STOML3: variants seen among roughly 807,000 people sequenced by gnomAD.
STOML3 encodes stomatin like 3.
In STOML3, 31 loss-of-function variants were observed where a neutral mutation model predicts 29.5. The observed-to-expected ratio is 1.05, with a 90% confidence interval of 0.79 to 1.42. STOML3 has a LOEUF of 1.42. Among genes scored for constraint, STOML3 ranks in the 40% most tolerant of loss-of-function variants. The pLI is 0.00. For synonymous variants in STOML3, 122 were observed against 139.8 expected (o/e 0.87, Z 0.90); for missense variants, 380 against 363.0 (o/e 1.05, Z -0.38).
chr13:38,973,102 A>C (rs74915640), intron 3 of STOML3, among the ~76,000 whole-genome samples: 28,566 of 98,442 alleles, frequency 0.29, 2,190 homozygotes, highest in Middle Eastern at 0.42. Flanking sequence ...CTACTAAAAA[A>C]AAAAAAAAAA....
intron 5 of STOML3, 91 bp downstream of exon 5, chr13:38,970,094 G>A (rs917164739): frequency 2.5e-6 from 3 of 1,183,280 alleles, no homozygotes; most frequent in South Asian, 2.9e-5. Context: ...GCATGTGGTG[G>A]GGGATGCTTT....
intron 1 of STOML3, among the ~76,000 whole-genome samples, chr13:38,983,721 A>G (rs73456154): frequency 0.031 from 4,780 of 152,284 alleles, 174 homozygotes; most frequent in African/African-American, 0.093. Context: ...ACAAAATTCC[A>G]TAATCCTAAG....
intron 1 of STOML3, among the ~76,000 whole-genome samples, chr13:38,987,354 T>G (rs1422772773): frequency 6.6e-6 from 1 of 151,796 alleles, no homozygotes. Context: ...GAAACCTGAT[T>G]TCTACAAAAA....
intron 1 of STOML3, among the ~76,000 whole-genome samples, chr13:38,988,264 ATATAT>A (rs1184929323): frequency 1.2e-5 from 1 of 80,700 alleles, no homozygotes; most frequent in Non-Finnish European, 2.0e-5. Context: ...ATTTTATATC[ATATAT>A]TATATATAAA....
intron 1 of STOML3, among the ~76,000 whole-genome samples, chr13:38,977,804 G>C (rs1881138201): frequency 7.7e-6 from 1 of 129,152 alleles, no homozygotes. Context: ...CTGTCGCCCA[G>C]GCTGGAGTAC....
chr13:38,968,573 A>C, intron 5 of STOML3, 39 bp from the exon 6 acceptor site: 1 of 1,609,746 alleles, frequency 6.2e-7, no homozygotes, highest in Non-Finnish European at 8.5e-7. Flanking sequence ...TAAGAAAGAC[A>C]GGTGATATGA....
At chr13:38,969,195 G>A (rs1180250015) in intron 5 of STOML3, among the ~76,000 whole-genome samples, 1 of 152,208 alleles carries the variant, frequency 6.6e-6, no homozygotes, top group African/African-American at 2.4e-5. Context: ...GCAGCCTAAA[G>A]TCAAAGATAC....
At chr13:38,972,305 C>CT (rs1289183707) in intron 4 of STOML3, among the ~76,000 whole-genome samples, 1 of 152,158 alleles carries the variant, frequency 6.6e-6, no homozygotes, top group African/African-American at 2.4e-5. Context: ...CAATTCAGCC[C>CT]TTGCTCTTGG....
At chr13:38,977,750 ATTTTTTTTTTTTTT>A (rs397851686) in intron 1 of STOML3, among the ~76,000 whole-genome samples, 2 of 84,186 alleles carry the variant, frequency 2.4e-5, no homozygotes, top group African/African-American at 4.0e-5. Flanking sequence ...AAGTCTCCGG[ATTTTTTTTTTTTTT>A]TTTTTTTTTT....
intron 3 of STOML3, among the ~76,000 whole-genome samples, chr13:38,975,257 G>T (rs1269026627): frequency 6.6e-6 from 1 of 151,190 alleles, no homozygotes; most frequent in African/African-American, 2.4e-5. Flanking sequence ...GAAGGCAGAG[G>T]TTGCAGTGAG....
intron 1 of STOML3, chr13:38,980,073 TCATCAAGCCCTTG>T: frequency 6.4e-7 from 1 of 1,551,692 alleles, no homozygotes; most frequent in Non-Finnish European, 8.7e-7. Flanking sequence ...CCTCTGGAGT[TCATCAAGCCCTTG>T]CATCATTACA....
rs558500313 is a variant in STOML3, at chr13:38,976,666, T to C, written c.156+28A>G. 7.8e-5 allele frequency: 126 copies of C among 1,613,898 alleles called. No homozygotes were observed. The East Asian group carries it at 2.6e-3, about 34-fold the overall frequency. ...CTAATGGTTTGTCAGTTCATATAGATAGCCCAGTTTATTTCCCAGGGTGTT... is the reference window on the plus strand; with the variant it reads ...CTAATGGTTTGTCAGTTCATATAGACAGCCCAGTTTATTTCCCAGGGTGTT... On this transcript the variant is annotated intron_variant, in intron 2 of 6. Coordinates refer to ENST00000379631, the MANE Select transcript of STOML3 (RefSeq NM_145286.3).
Position 38,976,630 on chromosome 13 carries a change from A to T in STOML3, c.157-18T>A. ...TTAATGATCTAGGAGATTAAGGGCG[A>T]ACGTTTAGTCCTAATGGTTTGTCAG... On this transcript the variant is annotated intron_variant, in intron 2 of 6. Coordinates refer to ENST00000379631, the MANE Select transcript of STOML3 (RefSeq NM_145286.3). 6.2e-7 allele frequency: 1 copy of T among 1,614,174 alleles called. No individual in the cohort carries two copies. The highest frequency in any genetic ancestry group is 8.5e-7 in the Non-Finnish European group (1 of 1,180,020).
chr13:38,981,020 G>C lies in STOML3; in HGVS notation c.53-4223C>G, dbSNP rs142073561. On this transcript the variant is annotated intron_variant, in intron 1 of 6. Coordinates refer to ENST00000379631, the MANE Select transcript of STOML3 (RefSeq NM_145286.3). ...CAATACCTTCCTTTCAATCTGCAAA[G>C]AAAAAGGTAGAGCCATCAGCTATGG... 8.0e-3 allele frequency among the ~76,000 whole-genome samples: 1,225 copies of C among 152,274 alleles called. 9 individuals are homozygous for C. The highest frequency in any genetic ancestry group is 0.014 in the Non-Finnish European group (948 of 68,026).
chr13:38,976,585 C>A lies in STOML3; in HGVS notation c.184G>T (p.Val62Leu), dbSNP rs1881083632. Residue 62 changes from valine (V) to leucine (L), a missense_variant, in exon 3 of 7, where the codon GTA becomes TTA. Val to Leu is a conservative substitution (Grantham distance 32, BLOSUM62 1). Transcript: ENST00000379631. The stretch of plus-strand genomic sequence containing the variant: ...GCTTGGATGCGTCCCAGACGGAATA[C>A]AACAGCACGTTCATACTCCTTAATG... ...KIIKEYERAVVFRLGRIQADK... is the reference protein window; with the variant it reads ...KIIKEYERAVLFRLGRIQADK... 2.5e-6 allele frequency: 4 copies of A among 1,614,194 alleles called. No homozygotes were observed. The East Asian group carries it at 6.7e-5, about 27-fold the overall frequency.
intron 1 of STOML3, among the ~76,000 whole-genome samples, chr13:38,983,696 G>T (rs1372843933): frequency 6.6e-6 from 1 of 152,108 alleles, no homozygotes; most frequent in South Asian, 2.1e-4. Context: ...TATTATCTAC[G>T]CTAGTCCTAT....
intron 1 of STOML3, among the ~76,000 whole-genome samples, chr13:38,985,911 C>CTTTTTTT (rs1170409048): frequency 4.4e-3 from 375 of 85,602 alleles, no homozygotes; most frequent in Middle Eastern, 0.014. Flanking sequence ...TCTTTTCTTT[C>CTTTTTTT]TTTTTTTTTT....
chr13:38,984,022 C>T (rs1868402888), intron 1 of STOML3, among the ~76,000 whole-genome samples: 1 of 152,106 alleles, frequency 6.6e-6, no homozygotes, highest in Non-Finnish European at 1.5e-5. Flanking sequence ...GGAGGCATCC[C>T]CCCCCACAGC....
chr13:38,968,489 G>T lies in STOML3; in HGVS notation c.562C>A (p.Arg188=), dbSNP rs202188494. Residue 188 remains arginine (R), a synonymous_variant, in exon 6 of 7, where the codon CGA becomes AGA. Transcript: ENST00000379631. ...ATELWGIRVA[R]VEIKDVRIPV... ...ATCCGAACATCTTTGATTTCCACTC[G>T]GGCCACCCGGATCCCCCACAGTTCG... 1 of 1,614,066 alleles carries T rather than the reference G, an allele frequency of 6.2e-7. No individual in the cohort carries two copies.
Sources: allele counts gnomAD v4.1 joint callset (sites outside exome capture counted in the v4.1 genomes callset), GRCh38; gene constraint gnomAD v4.1.1; transcripts MANE v1.5; gene names NCBI Gene and HGNC (gene_info 2026-07-23, HGNC 2026-07-21).